Variants in ROR1 observed in about 807,000 individuals in gnomAD.
The protein encoded by ROR1 is inactive tyrosine-protein kinase transmembrane receptor ROR1.
Under a neutral mutation model 78.8 loss-of-function variants are expected in ROR1, and 19 were observed. The observed-to-expected ratio is 0.24, with a 90% CI of 0.17 to 0.35. The LOEUF (loss-of-function observed/expected upper bound fraction) is 0.35, where lower values mean the gene tolerates loss of function less well. Among genes scored for constraint, ROR1 ranks in the 10% least tolerant of loss-of-function variants. ROR1 has a pLI of 1.00. For missense variants in ROR1, 917 were observed against 1,177.8 expected, an observed-to-expected ratio of 0.78 and a Z score of 3.24; for synonymous variants, 386 against 433.6, an observed-to-expected ratio of 0.89 and a Z score of 1.36.
intron 1 of ROR1, among the ~76,000 whole-genome samples, chr1:64,001,871 T>G (rs1646386124): frequency 6.6e-6 from 1 of 152,180 alleles, no homozygotes; most frequent in Admixed American, 6.5e-5. Context: ...GTCCACTTTG[T>G]GTTATCCTTT....
chr1:64,021,384 C>T (rs1174989699), intron 2 of ROR1, among the ~76,000 whole-genome samples: 1 of 152,156 alleles, frequency 6.6e-6, no homozygotes, highest in Non-Finnish European at 1.5e-5. Context: ...AGTCATGTGG[C>T]AGGCACTGTG....
At chr1:64,097,320 T>G (rs1647337607) in intron 4 of ROR1, among the ~76,000 whole-genome samples, 1 of 152,158 alleles carries the variant, frequency 6.6e-6, no homozygotes, top group Admixed American at 6.6e-5. Context: ...TTTCTGCCTC[T>G]TTCCTCCATA....
intron 1 of ROR1, among the ~76,000 whole-genome samples, chr1:63,925,234 A>G (rs188839964): frequency 0.013 from 1,941 of 149,000 alleles, 51 homozygotes; most frequent in African/African-American, 0.046. Flanking sequence ...TCATTGTTCA[A>G]TTCTCACCTA....
chr1:63,865,507 C>G (rs1645209672), intron 1 of ROR1, among the ~76,000 whole-genome samples: 1 of 152,192 alleles, frequency 6.6e-6, no homozygotes, highest in South Asian at 2.1e-4. Flanking sequence ...CTGTTACTTA[C>G]AAACCATATG....
At chr1:64,041,545 G>T (rs1027294181) in intron 2 of ROR1, among the ~76,000 whole-genome samples, 1 of 152,166 alleles carries the variant, frequency 6.6e-6, no homozygotes, top group African/African-American at 2.4e-5. Flanking sequence ...GAACTATAAA[G>T]GTGGCTGTCT....
chr1:64,081,457 G>A (rs1237659097), intron 4 of ROR1, among the ~76,000 whole-genome samples: 1 of 152,082 alleles, frequency 6.6e-6, no homozygotes, highest in Non-Finnish European at 1.5e-5. Flanking sequence ...CATTGGCTGT[G>A]AAAAATGCTT....
chr1:63,926,800 G>A (rs992101829), intron 1 of ROR1, among the ~76,000 whole-genome samples: 6 of 119,814 alleles, frequency 5.0e-5, no homozygotes, highest in Non-Finnish European at 7.1e-5. Context: ...TCATGATTTG[G>A]CTCTCTGTTT....
chr1:63,831,819 T>C (rs906122438), intron 1 of ROR1, among the ~76,000 whole-genome samples: 16 of 152,384 alleles, frequency 1.0e-4, no homozygotes, highest in African/African-American at 2.6e-4. Flanking sequence ...ACAGGTGTTC[T>C]AAACTTTTCT....
intron 1 of ROR1, among the ~76,000 whole-genome samples, chr1:63,884,539 A>G (rs952306220): frequency 6.6e-6 from 1 of 152,216 alleles, no homozygotes; most frequent in East Asian, 1.9e-4. Context: ...AGTTGGTGAC[A>G]GGGACTGCAG....
rs181598436 is a variant in ROR1, at chr1:63,847,379, A to G, written c.91+72871A>G. On this transcript the variant is annotated intron_variant, in intron 1 of 8. Transcript: ENST00000371079. ...GTCTTCTGCTGTTTCTTCTGGTACC[A>G]GCCTATGGATTGGGTAAGGAGAAAG... 2.6e-3 allele frequency among the ~76,000 whole-genome samples: 393 copies of G among 152,230 alleles called. 3 individuals carry two copies. The highest frequency in any genetic ancestry group is 9.2e-3 in the African/African-American group (380 of 41,530).
rs561757869 is a variant in ROR1 at position 63,808,913 on chromosome 1, G to A, written c.91+34405G>A. 1.1e-3 allele frequency among the ~76,000 whole-genome samples: 174 copies of A among 151,414 alleles called. 1 individual carries two copies. Among genetic ancestry groups the A allele is most frequent in the Non-Finnish European group, 2.2e-3 (147 of 67,970 alleles). On this transcript the variant is annotated intron_variant, in intron 1 of 8. Coordinates refer to ENST00000371079, the MANE Select transcript of ROR1 (RefSeq NM_005012.4). ...AAGAAGAGATGTACTTCTTATCCTA[G>A]TTGAACCAGATTTTGGGAAGACAAG... is the stretch of plus-strand genomic sequence containing the variant.
chr1:64,133,463 T>C (rs1227633389), intron 4 of ROR1, among the ~76,000 whole-genome samples: 4 of 152,180 alleles, frequency 2.6e-5, no homozygotes, highest in Non-Finnish European at 5.9e-5. Flanking sequence ...ATATCCTTCA[T>C]AAGCTCCTTG....
intron 1 of ROR1, among the ~76,000 whole-genome samples, chr1:63,917,090 A>G (rs1428260903): frequency 1.3e-5 from 2 of 152,024 alleles, no homozygotes; most frequent in African/African-American, 2.4e-5. Flanking sequence ...CCTGAACCCA[A>G]CCTCACAGCA....
At chr1:63,837,149 GC>G (rs1332432972) in intron 1 of ROR1, among the ~76,000 whole-genome samples, 1 of 152,154 alleles carries the variant, frequency 6.6e-6, no homozygotes, top group Non-Finnish European at 1.5e-5. Flanking sequence ...TTCAGTGAGA[GC>G]CACATGACAA....
At chr1:64,011,713 G>A (rs916424529) in intron 2 of ROR1, among the ~76,000 whole-genome samples, 3 of 152,174 alleles carry the variant, frequency 2.0e-5, no homozygotes, top group Non-Finnish European at 4.4e-5. Flanking sequence ...CTTTCTGGAG[G>A]TACGAGGATG....
chr1:63,982,374 G>A (rs376184142), intron 1 of ROR1, among the ~76,000 whole-genome samples: 38 of 152,284 alleles, frequency 2.5e-4, no homozygotes, highest in African/African-American at 8.2e-4. Context: ...ATTGCAAAGC[G>A]CTATGTAAAT....
intron 1 of ROR1, among the ~76,000 whole-genome samples, chr1:63,819,071 C>T (rs1037505723): frequency 6.6e-6 from 1 of 152,118 alleles, no homozygotes; most frequent in African/African-American, 2.4e-5. Flanking sequence ...GACCTCATTC[C>T]TCTGAGGATC....
intron 7 of ROR1, chr1:64,143,126 T>C (rs1441630746): frequency 2.0e-6 from 2 of 1,006,776 alleles, no homozygotes; most frequent in East Asian, 9.1e-5. Context: ...TCCTTCGTTA[T>C]GTCTGTTAAT....
Position 63,774,652 on chromosome 1 carries a change from G to GCCGCCAGGCCAGGGTTTGCCCCGGAGCC in ROR1, c.91+177_91+204dup, listed in dbSNP as rs1246708566. The GCCGCCAGGCCAGGGTTTGCCCCGGAGCC allele has an allele frequency of 1.8e-4, 53 of 293,408 alleles. No homozygotes were observed. The highest frequency in any genetic ancestry group is 6.1e-4 in the African/African-American group (27 of 44,008). The allele number at this position is 293,408 out of a possible 1,614,324, so 18.2% of individuals were successfully genotyped here. A position where few individuals can be genotyped will look rare whatever the true frequency, so the allele number is the denominator to read the frequency against. ...GCCACCCGCCACGGGGCTCGCCGGC[G>GCCGCCAGGCCAGGGTTTGCCCCGGAGCC]CCGCCAGGCCAGGGTTTGCCCCGGA... On this transcript the variant is annotated intron_variant, in intron 1 of 8. Coordinates refer to ENST00000371079, the MANE Select transcript of ROR1 (RefSeq NM_005012.4). This position sits in a 1 kb window ranked among gnomAD's most constrained non-coding sequence, Gnocchi z 5.7.
Sources: allele counts gnomAD v4.1 joint callset (sites outside exome capture counted in the v4.1 genomes callset), GRCh38; gene constraint gnomAD v4.1.1; non-coding constraint Gnocchi (gnomAD v3.1); transcripts MANE v1.5; gene names NCBI Gene and HGNC (gene_info 2026-07-23, HGNC 2026-07-21).